The following LRP1B variants were observed in gnomAD, a reference collection of about 807,000 sequenced individuals.
LRP1B encodes LDL receptor related protein 1B.
Under a neutral mutation model 556.6 loss-of-function variants are expected in LRP1B, and 217 were observed. That is an observed-to-expected ratio of 0.39 (90% confidence interval 0.35 to 0.44). The LOEUF (loss-of-function observed/expected upper bound fraction) is 0.44. Among genes scored for constraint, LRP1B ranks in the 20% least tolerant of loss-of-function variants. The pLI is 1.00. For missense variants in LRP1B, 5,053 were observed against 5,620.8 expected (o/e 0.90, Z 3.23); for synonymous variants, 2,047 against 1,865.8 (o/e 1.10, Z -2.50).
intron 7 of LRP1B, among the ~76,000 whole-genome samples, chr2:141,109,666 CA>C (rs34120181): frequency 0.44 from 58,689 of 134,338 alleles, 11,823 homozygotes; most frequent in Middle Eastern, 0.53. Flanking sequence ...TACAACCTTG[CA>C]AAAAAAAAAA....
At chr2:141,317,450 A>G (rs1687075278) in intron 3 of LRP1B, among the ~76,000 whole-genome samples, 1 of 152,116 alleles carries the variant, frequency 6.6e-6, no homozygotes, top group Non-Finnish European at 1.5e-5. Flanking sequence ...GATATCAGCC[A>G]TATTGAATTA....
intron 1 of LRP1B, among the ~76,000 whole-genome samples, chr2:141,862,699 G>T (rs937773893): frequency 2.0e-5 from 3 of 152,186 alleles, no homozygotes; most frequent in African/African-American, 7.2e-5. Flanking sequence ...AAGCCACCTT[G>T]CCCAGCATGG....
chr2:141,513,702 G>A (rs529730150), intron 2 of LRP1B, among the ~76,000 whole-genome samples: 1 of 149,420 alleles, frequency 6.7e-6, no homozygotes, highest in African/African-American at 2.5e-5. Flanking sequence ...GTTTTTTAAA[G>A]GACAAACTTA....
At chr2:140,878,500 T>G (rs1022426744) in intron 25 of LRP1B, among the ~76,000 whole-genome samples, 4 of 152,164 alleles carry the variant, frequency 2.6e-5, no homozygotes, top group Non-Finnish European at 5.9e-5. Flanking sequence ...ATGCCTTTCT[T>G]AAAAATAATG....
chr2:140,583,866 C>G lies in LRP1B; in HGVS notation c.7194+14765G>C, dbSNP rs978432179. 3.3e-5 allele frequency among the ~76,000 whole-genome samples: 5 copies of G among 152,070 alleles called. No individual in the cohort carries two copies. In the East Asian group the frequency reaches 7.7e-4, roughly 23 times the overall value. On this transcript the variant is annotated intron_variant, in intron 43 of 90. Transcript: ENST00000389484. ...ATAAAAAAATGACTTTTCTGCTAAACAGTTTTGTTCTCTTCTATCAAATCA... is the reference window on the plus strand; with the variant it reads ...ATAAAAAAATGACTTTTCTGCTAAAGAGTTTTGTTCTCTTCTATCAAATCA...
intron 32 of LRP1B, among the ~76,000 whole-genome samples, chr2:140,784,200 A>G (rs1235349428): frequency 6.6e-6 from 1 of 152,134 alleles, no homozygotes; most frequent in African/African-American, 2.4e-5. Flanking sequence ...ATGTTCAAAT[A>G]GGGTTAAGAA....
intron 1 of LRP1B, among the ~76,000 whole-genome samples, chr2:141,963,767 T>A: frequency 2.0e-5 from 3 of 146,868 alleles, no homozygotes; most frequent in Non-Finnish European, 4.5e-5. Context: ...GAGAAGGAAA[T>A]AAAGGGTATT....
chr2:140,742,066 A>G (rs1389823195), intron 35 of LRP1B, among the ~76,000 whole-genome samples: 1 of 152,230 alleles, frequency 6.6e-6, no homozygotes, highest in African/African-American at 2.4e-5. Flanking sequence ...CAATGGCTCT[A>G]AAATAAAATT....
chr2:141,655,992 C>T (rs1013684242), intron 2 of LRP1B, among the ~76,000 whole-genome samples: 8 of 152,018 alleles, frequency 5.3e-5, no homozygotes, highest in African/African-American at 1.9e-4. Flanking sequence ...GCGATTTATA[C>T]AGGTGAACTC....
At chr2:140,406,975 G>A (rs529600175) in intron 66 of LRP1B, among the ~76,000 whole-genome samples, 1 of 152,198 alleles carries the variant, frequency 6.6e-6, no homozygotes, top group African/African-American at 2.4e-5. Flanking sequence ...AAACAGCATG[G>A]TGCTGGTATA....
At chr2:140,539,769 C>T (rs1269143095) in intron 45 of LRP1B, among the ~76,000 whole-genome samples, 4 of 152,114 alleles carry the variant, frequency 2.6e-5, no homozygotes, top group African/African-American at 9.6e-5. Context: ...AAGCAATTGC[C>T]TGAGCAATTC....
rs2105053153 is a variant in LRP1B at position 140,321,971 on chromosome 2, C to G, written c.12632G>C (p.Ser4211Thr). Reference sequence around the variant, plus strand: ...TAATAAAGTATACCCACCTAACAGGCTGTCATCATTGCAGGTGCCATTAAT... The same window carrying G: ...TAATAAAGTATACCCACCTAACAGGGTGTCATCATTGCAGGTGCCATTAAT... ...YLINGTCNDD[S>T]LLDDSCKLTC... Residue 4211 changes from serine to threonine, a missense_variant, in exon 82 of 91, where the codon AGC (serine) becomes ACC (threonine). Transcript: ENST00000389484. 6.2e-7 allele frequency: 1 copy of G among 1,612,582 alleles called. No individual in the cohort carries two copies. The highest frequency in any genetic ancestry group is 8.5e-7 in the Non-Finnish European group (1 of 1,179,120).
At chr2:141,639,345 T>A (rs796845746) in intron 2 of LRP1B, among the ~76,000 whole-genome samples, 1 of 62,874 alleles carries the variant, frequency 1.6e-5, no homozygotes, top group East Asian at 6.8e-4. Context: ...TATATATATA[T>A]ATATACACAC....
intron 17 of LRP1B, among the ~76,000 whole-genome samples, chr2:140,985,737 T>C (rs1442749583): frequency 6.6e-6 from 1 of 151,958 alleles, no homozygotes; most frequent in African/African-American, 2.4e-5. Flanking sequence ...TTCTGGTCAA[T>C]TGTTCTTTTT....
chr2:140,729,233 G>A (rs927437195), intron 35 of LRP1B, among the ~76,000 whole-genome samples: 32 of 152,044 alleles, frequency 2.1e-4, no homozygotes, highest in African/African-American at 6.7e-4. Flanking sequence ...CAAGATCATC[G>A]CCTGTGATTT....
At chr2:141,960,860 C>T (rs975329528) in intron 1 of LRP1B, among the ~76,000 whole-genome samples, 5 of 151,652 alleles carry the variant, frequency 3.3e-5, no homozygotes, top group Non-Finnish European at 7.4e-5. Context: ...ATTCAAAGAA[C>T]ACTATTTTAA....
chr2:140,409,268 A>G (rs1363894228), intron 66 of LRP1B, among the ~76,000 whole-genome samples: 1 of 151,938 alleles, frequency 6.6e-6, no homozygotes, highest in Non-Finnish European at 1.5e-5. Flanking sequence ...GTATAAACCT[A>G]TAAAGTCGGT....
chr2:141,164,219 G>A (rs1033284), intron 7 of LRP1B, among the ~76,000 whole-genome samples: 50,321 of 151,730 alleles, frequency 0.33, 8,771 homozygotes, highest in East Asian at 0.67. Flanking sequence ...TTGAAGAGCC[G>A]TAAGAACTAA....
At chr2:141,968,349 T>C (rs376486294) in intron 1 of LRP1B, among the ~76,000 whole-genome samples, 3 of 151,840 alleles carry the variant, frequency 2.0e-5, no homozygotes, top group South Asian at 2.1e-4. Context: ...TAATTTTTAA[T>C]CTGAGTACTT....
Sources: allele counts gnomAD v4.1 joint callset (sites outside exome capture counted in the v4.1 genomes callset), GRCh38; gene constraint gnomAD v4.1.1; transcripts MANE v1.5; gene names NCBI Gene and HGNC (gene_info 2026-07-23, HGNC 2026-07-21).